DOCK3: variants seen among roughly 807,000 people sequenced by gnomAD.
The protein encoded by DOCK3 is dedicator of cytokinesis 3.
Under a neutral mutation model 265.6 loss-of-function variants are expected in DOCK3, and 60 were observed. The observed-to-expected ratio is 0.23, with a 90% confidence interval of 0.18 to 0.28. DOCK3 has a LOEUF of 0.28. Among genes scored for constraint, DOCK3 ranks in the 10% least tolerant of loss-of-function variants. The pLI, the probability that DOCK3 is intolerant of heterozygous loss-of-function variation, is 1.00. For synonymous variants in DOCK3, 881 were observed against 938.0 expected (o/e 0.94, Z 1.11); for missense variants, 1,981 against 2,594.3 (o/e 0.76, Z 5.14).
intron 19 of DOCK3, among the ~76,000 whole-genome samples, chr3:51,231,274 A>C (rs574814158): frequency 6.6e-6 from 1 of 151,830 alleles, no homozygotes; most frequent in East Asian, 1.9e-4. Context: ...TATTACAGGC[A>C]TGTGCCACCA....
intron 1 of DOCK3, among the ~76,000 whole-genome samples, chr3:50,772,500 T>C (rs997792795): frequency 6.6e-6 from 1 of 152,236 alleles, no homozygotes; most frequent in Non-Finnish European, 1.5e-5. Flanking sequence ...GATACTTCAT[T>C]CTTCATGATG....
At chr3:50,832,327 A>G (rs996400855) in intron 2 of DOCK3, among the ~76,000 whole-genome samples, 1 of 152,236 alleles carries the variant, frequency 6.6e-6, no homozygotes, top group Non-Finnish European at 1.5e-5. Flanking sequence ...CTAAAACACC[A>G]AAAGCAATGG....
At chr3:51,277,503 G>A in intron 25 of DOCK3, 105 bp from the exon 26 acceptor site, 1 of 1,387,410 alleles carries the variant, frequency 7.2e-7, no homozygotes, top group Non-Finnish European at 9.5e-7. Flanking sequence ...CTTGGTGTTG[G>A]GAATCCAGAA....
chr3:50,815,404 T>C (rs2044017165), intron 2 of DOCK3, among the ~76,000 whole-genome samples: 1 of 152,198 alleles, frequency 6.6e-6, no homozygotes, highest in Non-Finnish European at 1.5e-5. Flanking sequence ...CCCAAATTCT[T>C]TGCTGGAAAT....
In DOCK3 at chr3:50,692,470, GC is replaced by G. The variant is rs201990844; in HGVS notation, c.37+17172del. ...GTTCATACTCCTATGAGAATCTAAT[GC>G]CACTGCTGATCTGACTGGAGGCAGA... On this transcript the variant is annotated intron_variant, in intron 1 of 52. Coordinates refer to ENST00000266037, the MANE Select transcript of DOCK3 (RefSeq NM_004947.5). Among the ~76,000 whole-genome samples the G allele has an allele frequency of 9.5e-4, 145 of 152,266 alleles. No individual in the cohort carries two copies. The East Asian group carries it at 0.021, about 22-fold the overall frequency.
At chr3:50,828,745 ACT>A (rs1257851795) in intron 2 of DOCK3, among the ~76,000 whole-genome samples, 1 of 150,630 alleles carries the variant, frequency 6.6e-6, no homozygotes, top group East Asian at 2.0e-4. Flanking sequence ...ACGGAGTCTC[ACT>A]CTGTCGCCCA....
chr3:51,061,541 A>G (rs1350406458), intron 5 of DOCK3, among the ~76,000 whole-genome samples: 3 of 151,932 alleles, frequency 2.0e-5, no homozygotes, highest in African/African-American at 7.3e-5. Context: ...GAAGGGGAAC[A>G]TCACACACCG....
chr3:50,807,247 C>CTATTTTTT, intron 2 of DOCK3, among the ~76,000 whole-genome samples: 1 of 30,232 alleles, frequency 3.3e-5, no homozygotes, highest in East Asian at 1.5e-3. Flanking sequence ...CTCTGCCACG[C>CTATTTTTT]TCTTTTTTTT....
intron 16 of DOCK3, 121 bp downstream of exon 16, chr3:51,227,566 G>GA: frequency 1.4e-6 from 2 of 1,393,086 alleles, no homozygotes; most frequent in African/African-American, 2.9e-5. Flanking sequence ...GGAATAAACA[G>GA]CTACTCAGAG....
chr3:51,208,957 T>A, intron 13 of DOCK3, 95 bp downstream of exon 13: 2 of 1,034,718 alleles, frequency 1.9e-6, no homozygotes, highest in Non-Finnish European at 2.9e-6. Context: ...GCTGCTGTAT[T>A]CCCTACAGAT....
chr3:50,953,683 G>T (rs1306685825), intron 5 of DOCK3, among the ~76,000 whole-genome samples: 1 of 152,012 alleles, frequency 6.6e-6, no homozygotes, highest in African/African-American at 2.4e-5. Context: ...ATGTGTTAAC[G>T]TTCGTCTGAC....
At position 51,362,780 on chromosome 3, in the gene DOCK3, T is replaced by G. The variant is rs1023072973; in HGVS notation, c.5293+106T>G. ...TGTGTCTTTGAGCAGCCCTGTGACT[T>G]AGAGAATACTCATTTGTGCTTTTAC... On this transcript the variant is annotated intron_variant, in intron 49 of 52. Coordinates refer to ENST00000266037, the MANE Select transcript of DOCK3 (RefSeq NM_004947.5). 2.1e-6 allele frequency: 3 copies of G among 1,441,430 alleles called. No homozygotes were observed. In the Admixed American group the frequency reaches 6.5e-5, roughly 31 times the overall value. 89.3% of individuals were successfully genotyped at this position (1,441,430 alleles called of 1,614,324 possible).
intron 4 of DOCK3, among the ~76,000 whole-genome samples, chr3:50,916,433 T>C (rs2050130732): frequency 6.6e-6 from 1 of 152,008 alleles, no homozygotes; most frequent in Admixed American, 6.6e-5. Flanking sequence ...CTTCCTTCCA[T>C]TCTCTACATG....
intron 5 of DOCK3, among the ~76,000 whole-genome samples, chr3:50,944,708 T>C (rs7371990): frequency 0.98 from 149,225 of 152,302 alleles, 73,195 homozygotes; most frequent in Middle Eastern, 1. Context: ...CCTGTAATTC[T>C]AGCACTTTGG....
chr3:51,116,640 A>G (rs2083757352), intron 9 of DOCK3, among the ~76,000 whole-genome samples: 2 of 151,960 alleles, frequency 1.3e-5, no homozygotes, highest in Admixed American at 6.6e-5. Flanking sequence ...TATTCCCTTG[A>G]GCAGTGGTTT....
intron 5 of DOCK3, among the ~76,000 whole-genome samples, chr3:50,977,449 T>C (rs1170903946): frequency 6.6e-6 from 1 of 152,204 alleles, no homozygotes; most frequent in African/African-American, 2.4e-5. Flanking sequence ...AATTCTTTTC[T>C]TTAAGAATGT....
At chr3:50,967,784 C>T (rs182957800) in intron 5 of DOCK3, among the ~76,000 whole-genome samples, 2 of 152,232 alleles carry the variant, frequency 1.3e-5, no homozygotes, top group East Asian at 1.9e-4. Flanking sequence ...GGGGGAACCA[C>T]CCCCATGATT....
chr3:51,198,807 A>G (rs984395089), intron 12 of DOCK3, among the ~76,000 whole-genome samples: 2 of 152,166 alleles, frequency 1.3e-5, no homozygotes, highest in African/African-American at 4.8e-5. Context: ...AGTCAGGCGG[A>G]TCACTTGGGT....
At chr3:51,220,709 G>GTATATATA (rs3073874) in intron 14 of DOCK3, among the ~76,000 whole-genome samples, 3,005 of 132,210 alleles carry the variant, frequency 0.023, 84 homozygotes, top group African/African-American at 0.053. Context: ...GTGTGTGTGT[G>GTATATATA]TATATATATA....
Sources: allele counts gnomAD v4.1 joint callset (sites outside exome capture counted in the v4.1 genomes callset), GRCh38; gene constraint gnomAD v4.1.1; transcripts MANE v1.5; gene names NCBI Gene and HGNC (gene_info 2026-07-23, HGNC 2026-07-21).